ACTG2: variants seen among roughly 807,000 people sequenced by gnomAD.
ACTG2 encodes actin, gamma-enteric smooth muscle.
A neutral mutation model predicts 37.6 loss-of-function variants in ACTG2; 16 were observed. That is an observed-to-expected ratio of 0.43 (90% CI 0.29 to 0.65). ACTG2 has a LOEUF of 0.65. Among genes scored for constraint, ACTG2 ranks in the 30% least tolerant of loss-of-function variants. ACTG2 has a pLI of 0.18. For synonymous variants in ACTG2, 181 were observed against 179.9 expected (o/e 1.01, Z -0.05); for missense variants, 238 against 490.9 (o/e 0.48, Z 4.87).
rs895353020 is a variant in ACTG2 at position 73,919,735 on chromosome 2, T to C, written c.*160T>C. ...CTTTTCACACATTACTTTTAATCCATGCAATAGTGCTGTAAGGTAGGTGCT... is the reference window on the plus strand; with the variant it reads ...CTTTTCACACATTACTTTTAATCCACGCAATAGTGCTGTAAGGTAGGTGCT... On this transcript the variant is annotated 3_prime_UTR_variant, in exon 9 of 9. Coordinates refer to ENST00000345517, the MANE Select transcript of ACTG2 (RefSeq NM_001615.4). The C allele has an allele frequency of 6.8e-6, 5 of 737,198 alleles. No homozygotes were observed. Among genetic ancestry groups the C allele is most frequent in the Non-Finnish European group, 1.0e-5 (5 of 476,970 alleles). 45.7% of individuals were successfully genotyped at this position (737,198 alleles called of 1,614,324 possible).
chr2:73,904,793 A>G (rs1448757419), intron 3 of ACTG2, among the ~76,000 whole-genome samples: 58 of 105,246 alleles, frequency 5.5e-4, no homozygotes, highest in African/African-American at 1.4e-3. Flanking sequence ...ATATATATAT[A>G]TATATATATA....
intron 5 of ACTG2, among the ~76,000 whole-genome samples, chr2:73,911,342 A>G (rs776740363): frequency 1.3e-5 from 2 of 152,052 alleles, no homozygotes; most frequent in Non-Finnish European, 2.9e-5. Context: ...AAAAAATACA[A>G]AAAGTTAGCC....
chr2:73,899,179 C>T (rs1344403669), intron 1 of ACTG2, among the ~76,000 whole-genome samples: 1 of 152,086 alleles, frequency 6.6e-6, no homozygotes, highest in African/African-American at 2.4e-5. Context: ...TTAAATTTAA[C>T]CTTGGCTGTG....
At chr2:73,902,624 C>T (rs1679917492) in intron 3 of ACTG2, 136 bp downstream of exon 3, 1 of 1,552,712 alleles carries the variant, frequency 6.4e-7, no homozygotes, top group Non-Finnish European at 8.7e-7. Flanking sequence ...TTCTTTTCAG[C>T]CCCACGACCA....
At chr2:73,899,052 C>T (rs1011476782) in intron 1 of ACTG2, among the ~76,000 whole-genome samples, 5 of 152,038 alleles carry the variant, frequency 3.3e-5, no homozygotes, top group Admixed American at 1.3e-4. Flanking sequence ...CGTCGTGATC[C>T]GCCCACCTTG....
chr2:73,913,425 A>G (rs1325727261), intron 5 of ACTG2, 60 bp from the exon 6 acceptor site: 3 of 1,485,350 alleles, frequency 2.0e-6, no homozygotes, highest in Non-Finnish European at 9.1e-7. Flanking sequence ...ACAGTCCTAG[A>G]AAGAGACTGA....
At position 73,902,879 on chromosome 2, in the gene ACTG2, C is replaced by T. The variant is rs529317425; in HGVS notation, c.255+391C>T. The T allele has an allele frequency of 6.1e-5, 65 of 1,065,962 alleles. No individual in the cohort carries two copies. The Admixed American group carries it at 6.4e-4, about 11-fold the overall frequency. 66.0% of individuals were successfully genotyped at this position (1,065,962 alleles called of 1,614,324 possible). On this transcript the variant is annotated intron_variant, in intron 3 of 8. Coordinates refer to ENST00000345517, the MANE Select transcript of ACTG2 (RefSeq NM_001615.4). The stretch of plus-strand genomic sequence containing the variant: ...GGAGGACCTTTCCCTGCCTGATCCC[C>T]GCGATCATCTTTTCCTGCAATATTT...
intron 5 of ACTG2, among the ~76,000 whole-genome samples, chr2:73,913,057 T>C (rs1157729667): frequency 6.6e-6 from 1 of 150,564 alleles, no homozygotes; most frequent in Non-Finnish European, 1.5e-5. Flanking sequence ...TAATCCCAGC[T>C]ACTCAGGAGG....
At position 73,902,479 on chromosome 2, in the gene ACTG2, C is replaced by T. The variant is rs143614519; in HGVS notation, c.246C>T (p.Asp82=). The T allele has an allele frequency of 1.5e-4, 248 of 1,614,100 alleles. No individual in the cohort carries two copies. The African/African-American group carries it at 3.0e-3, about 19-fold the overall frequency. The change falls in exon 3 of 9, where the codon GAC becomes GAT. Residue 82 remains aspartate (D), a synonymous_variant. Transcript: ENST00000345517. The part of the protein sequence containing the change: ...IEHGIITNWD[D]MEKIWHHSFY... ...ACGGCATCATCACCAACTGGGATGACATGGAGAAGGTATCTGTAGACTTCC... is the reference window on the plus strand; with the variant it reads ...ACGGCATCATCACCAACTGGGATGATATGGAGAAGGTATCTGTAGACTTCC...
At chr2:73,905,415 A>G (rs376819738) in intron 3 of ACTG2, among the ~76,000 whole-genome samples, 1 of 152,206 alleles carries the variant, frequency 6.6e-6, no homozygotes, top group African/African-American at 2.4e-5. Context: ...CAAAAGGGCA[A>G]TGAGGGATTA....
intron 2 of ACTG2, chr2:73,901,912 G>A (rs538718419): frequency 3.7e-4 from 71 of 191,576 alleles, no homozygotes; most frequent in Non-Finnish European, 7.0e-4. Context: ...AAGTATCACA[G>A]AAAAAGTAAT....
intron 3 of ACTG2, chr2:73,902,737 A>G (rs765736676): frequency 1.3e-6 from 2 of 1,550,826 alleles, no homozygotes; most frequent in Non-Finnish European, 1.7e-6. Context: ...AATTCTCTAC[A>G]CTGCTGCAAA....
At chr2:73,905,488 A>G (rs1173425573) in intron 3 of ACTG2, among the ~76,000 whole-genome samples, 3 of 152,202 alleles carry the variant, frequency 2.0e-5, no homozygotes, top group African/African-American at 7.2e-5. Context: ...CAAATAAAAA[A>G]CAGTTAATTA....
chr2:73,913,632 C>G lies in ACTG2; in HGVS notation c.599C>G (p.Ser200Cys), dbSNP rs1162161416. 1 of 1,611,986 alleles carries G rather than the reference C, an allele frequency of 6.2e-7. No homozygotes were observed. Residue 200 changes from serine (S) to cysteine (C), a missense_variant, in exon 6 of 9, where the codon TCC (serine) becomes TGC (cysteine). Physicochemically the swap from Ser to Cys is moderately radical, Grantham distance 112 (BLOSUM62 -1). Coordinates refer to ENST00000345517, the MANE Select transcript of ACTG2 (RefSeq NM_001615.4). The stretch of plus-strand genomic sequence containing the variant: ...AAGATCCTCACAGAGAGAGGCTATT[C>G]CTTTGTGACCACAGGTATCCAGCCC... ...LMKILTERGYSFVTTAEREIV... is the reference protein window; with the variant it reads ...LMKILTERGYCFVTTAEREIV...
At chr2:73,898,738 C>G (rs1278991278) in intron 1 of ACTG2, among the ~76,000 whole-genome samples, 1 of 151,648 alleles carries the variant, frequency 6.6e-6, no homozygotes, top group Non-Finnish European at 1.5e-5. Flanking sequence ...TGATGGTCAA[C>G]AAGACACCAA....
At chr2:73,902,676 G>T (rs1238962749) in intron 3 of ACTG2, 188 bp downstream of exon 3, 1 of 1,551,744 alleles carries the variant, frequency 6.4e-7, no homozygotes, top group South Asian at 1.2e-5. Context: ...CTGGACTATT[G>T]CAATGGCTTC....
At chr2:73,910,474 C>G (rs1216797168) in intron 5 of ACTG2, among the ~76,000 whole-genome samples, 1 of 120,604 alleles carries the variant, frequency 8.3e-6, no homozygotes, top group African/African-American at 3.1e-5. Context: ...TCAAACGATT[C>G]TCCTGCCTCA....
At position 73,908,796 on chromosome 2, in the gene ACTG2, GA is replaced by G. The variant is rs778138542; in HGVS notation, c.366+15del. 71 of 1,587,598 alleles carry G rather than the reference GA, an allele frequency of 4.5e-5. No individual in the cohort carries two copies. The highest frequency in any genetic ancestry group is 5.5e-5 in the Non-Finnish European group (64 of 1,156,146). Reference sequence around the variant, plus strand: ...AAAGATGACCCAGGTAAGAAGCCAGGAAGACTTGAACACTGGCATAAGAATG... The same window carrying G: ...AAAGATGACCCAGGTAAGAAGCCAGGAGACTTGAACACTGGCATAAGAATG... On this transcript the variant is annotated intron_variant, in intron 4 of 8. Transcript: ENST00000345517.
At chr2:73,905,621 T>G (rs560047706) in intron 3 of ACTG2, among the ~76,000 whole-genome samples, 1 of 152,198 alleles carries the variant, frequency 6.6e-6, no homozygotes, top group Non-Finnish European at 1.5e-5. Context: ...ATTTTAAGAG[T>G]GAGAGCACTG....
Sources: allele counts gnomAD v4.1 joint callset (sites outside exome capture counted in the v4.1 genomes callset), GRCh38; gene constraint gnomAD v4.1.1; transcripts MANE v1.5; gene names NCBI Gene and HGNC (gene_info 2026-07-23, HGNC 2026-07-21).